Variants in MYRIP observed in about 807,000 individuals in gnomAD.
MYRIP encodes myosin VIIA and Rab interacting protein.
Under a neutral mutation model 98.0 loss-of-function variants are expected in MYRIP, and 49 were observed. The ratio of observed to expected loss-of-function variants is 0.50; its 90% CI spans 0.40 to 0.63. The LOEUF (loss-of-function observed/expected upper bound fraction) is 0.63, where lower values mean the gene tolerates loss of function less well. MYRIP is among the 30% of genes least tolerant of loss of function. The probability of loss-of-function intolerance (pLI) is 0.00; values close to 1 mark genes in which losing one functional copy is unlikely to be tolerated. For synonymous variants in MYRIP, 404 were observed against 409.5 expected, an observed-to-expected ratio of 0.99 and a Z score of 0.16; for missense variants, 1,004 against 1,058.2, an observed-to-expected ratio of 0.95 and a Z score of 0.71.
intron 2 of MYRIP, among the ~76,000 whole-genome samples, chr3:39,973,739 A>G (rs574866231): frequency 2.4e-4 from 37 of 152,344 alleles, no homozygotes; most frequent in Admixed American, 1.2e-3. Flanking sequence ...ACTCAGGATT[A>G]AGAAACTCAT....
At chr3:40,027,724 T>A (rs1006542596) in intron 2 of MYRIP, among the ~76,000 whole-genome samples, 92 of 151,920 alleles carry the variant, frequency 6.1e-4, no homozygotes, top group Middle Eastern at 3.2e-3. Context: ...TGTCTTTTTT[T>A]AAAAAAAATC....
intron 11 of MYRIP, among the ~76,000 whole-genome samples, chr3:40,229,352 A>G (rs1416082550): frequency 6.6e-6 from 1 of 152,174 alleles, no homozygotes; most frequent in Admixed American, 6.5e-5. Flanking sequence ...TACTCTGCCT[A>G]CAGTCCCTAG....
intron 2 of MYRIP, among the ~76,000 whole-genome samples, chr3:39,987,924 T>G (rs1435227833): frequency 6.6e-6 from 1 of 152,196 alleles, no homozygotes; most frequent in Non-Finnish European, 1.5e-5. Context: ...TGTCCAACAA[T>G]GATAGACTGG....
intron 1 of MYRIP, among the ~76,000 whole-genome samples, chr3:39,836,558 G>A (rs1575288356): frequency 6.6e-6 from 1 of 152,096 alleles, no homozygotes; most frequent in East Asian, 1.9e-4. Flanking sequence ...TGCTCCTTTT[G>A]CGAGGGCATT....
At chr3:39,976,887 G>A (rs1945767389) in intron 2 of MYRIP, among the ~76,000 whole-genome samples, 1 of 151,980 alleles carries the variant, frequency 6.6e-6, no homozygotes, top group South Asian at 2.1e-4. Context: ...CACACACCAG[G>A]GCCCGTTGTG....
intron 2 of MYRIP, among the ~76,000 whole-genome samples, chr3:39,978,371 C>G (rs752791800): frequency 6.6e-6 from 1 of 152,150 alleles, no homozygotes; most frequent in Admixed American, 6.5e-5. Flanking sequence ...CAGTGGGTGA[C>G]GAGCACTGTG....
chr3:40,074,281 A>G (rs1222386076), intron 3 of MYRIP, among the ~76,000 whole-genome samples: 2 of 152,028 alleles, frequency 1.3e-5, no homozygotes, highest in Admixed American at 6.6e-5. Flanking sequence ...TCACCGTGTT[A>G]GCCAAGATGG....
intron 3 of MYRIP, among the ~76,000 whole-genome samples, chr3:40,093,880 C>T (rs1314213292): frequency 6.6e-6 from 1 of 152,208 alleles, no homozygotes; most frequent in Non-Finnish European, 1.5e-5. Context: ...AACTCCATAA[C>T]ATCCAATGAA....
rs1942799699 is a variant in MYRIP at position 39,871,890 on chromosome 3, A to G, written c.-30-28897A>G. Among the ~76,000 whole-genome samples the G allele has an allele frequency of 2.0e-5, 3 of 152,050 alleles. No individual in the cohort carries two copies. The South Asian group carries it at 6.2e-4, about 31-fold the overall frequency. On this transcript the variant is annotated intron_variant, in intron 1 of 16. Coordinates refer to ENST00000302541, the MANE Select transcript of MYRIP (RefSeq NM_015460.4). ...CAGTGCTTACTGAGTACCAAGCATTATATGTGTATGCTATAATATATATAA... is the reference window on the plus strand; with the variant it reads ...CAGTGCTTACTGAGTACCAAGCATTGTATGTGTATGCTATAATATATATAA...
chr3:39,829,847 T>C (rs1439178544), intron 1 of MYRIP, among the ~76,000 whole-genome samples: 2 of 152,234 alleles, frequency 1.3e-5, no homozygotes, highest in African/African-American at 4.8e-5. Context: ...ACAATTTCTC[T>C]GAGGTATGCC....
chr3:39,824,655 T>C (rs1025915702), intron 1 of MYRIP, among the ~76,000 whole-genome samples: 1 of 152,128 alleles, frequency 6.6e-6, no homozygotes, highest in Non-Finnish European at 1.5e-5. Context: ...TCTGGATTTC[T>C]TTTTCAGATA....
chr3:39,978,495 CCT>C (rs1405218905), intron 2 of MYRIP, among the ~76,000 whole-genome samples: 2 of 152,132 alleles, frequency 1.3e-5, no homozygotes, highest in African/African-American at 4.8e-5. Context: ...GCAGCCTCTC[CCT>C]GATTAAATGC....
Position 40,170,062 on chromosome 3 carries a change from C to T in MYRIP, c.842C>T (p.Pro281Leu), listed in dbSNP as rs747587982. Residue 281 changes from proline (P) to leucine (L), a missense_variant, in exon 8 of 17, where the codon CCT becomes CTT. Coordinates refer to ENST00000302541, the MANE Select transcript of MYRIP (RefSeq NM_015460.4). ...KVADEGTSAS[P>L]GGYRAPAALW... Reference sequence around the variant, plus strand: ...GCAGATGAGGGGACCTCAGCATCCCCTGGAGGCTACCGTGCTCCCGCTGCC... The same window carrying T: ...GCAGATGAGGGGACCTCAGCATCCCTTGGAGGCTACCGTGCTCCCGCTGCC... The T allele has an allele frequency of 3.7e-6, 6 of 1,614,092 alleles. No homozygotes were observed. The highest frequency in any genetic ancestry group is 5.1e-6 in the Non-Finnish European group (6 of 1,180,048).
intron 3 of MYRIP, among the ~76,000 whole-genome samples, chr3:40,112,688 G>A (rs1461528839): frequency 1.3e-5 from 2 of 152,148 alleles, no homozygotes; most frequent in Admixed American, 1.3e-4. Flanking sequence ...GCCCTCCCAG[G>A]TCCAAACTTT....
At chr3:39,883,738 T>A (rs563064253) in intron 1 of MYRIP, among the ~76,000 whole-genome samples, 6 of 151,664 alleles carry the variant, frequency 4.0e-5, no homozygotes, top group African/African-American at 1.5e-4. Context: ...AGAAAATAAA[T>A]AAAAAAAGAA....
At chr3:40,081,844 C>T (rs935718893) in intron 3 of MYRIP, among the ~76,000 whole-genome samples, 2 of 152,332 alleles carry the variant, frequency 1.3e-5, no homozygotes, top group Non-Finnish European at 2.9e-5. Context: ...CCATCCCAGC[C>T]TCTGCTAACC....
At chr3:40,179,951 T>C (rs981080908) in intron 8 of MYRIP, among the ~76,000 whole-genome samples, 3 of 152,218 alleles carry the variant, frequency 2.0e-5, no homozygotes, top group Non-Finnish European at 2.9e-5. Context: ...TTGACCACCA[T>C]CCTCAATCTC....
chr3:40,128,650 G>A (rs1392964759), intron 3 of MYRIP, among the ~76,000 whole-genome samples: 1 of 152,190 alleles, frequency 6.6e-6, no homozygotes, highest in Non-Finnish European at 1.5e-5. Flanking sequence ...AGGTGCATCT[G>A]CCATACAGGG....
chr3:40,026,306 G>C lies in MYRIP; in HGVS notation c.111-17744G>C, dbSNP rs184701215. On this transcript the variant is annotated intron_variant, in intron 2 of 16. Coordinates refer to ENST00000302541, the MANE Select transcript of MYRIP (RefSeq NM_015460.4). ...ACCCCGCAGGCAGTCAGACCGTATGGTTGTCTCCCTTGTTCCCTAAAATCG... is the reference window on the plus strand; with the variant it reads ...ACCCCGCAGGCAGTCAGACCGTATGCTTGTCTCCCTTGTTCCCTAAAATCG... Among the ~76,000 whole-genome samples the C allele has an allele frequency of 2.3e-3, 353 of 152,228 alleles. 2 individuals are homozygous for C. Among genetic ancestry groups the C allele is most frequent in the Middle Eastern group, 6.8e-3 (2 of 294 alleles).
Sources: allele counts gnomAD v4.1 joint callset (sites outside exome capture counted in the v4.1 genomes callset), GRCh38; gene constraint gnomAD v4.1.1; transcripts MANE v1.5; gene names NCBI Gene and HGNC (gene_info 2026-07-23, HGNC 2026-07-21).